The following TBX6 variants were observed in gnomAD, a reference collection of about 807,000 sequenced individuals.
TBX6 encodes T-box transcription factor TBX6.
Under a neutral mutation model 42.3 loss-of-function variants are expected in TBX6, and 29 were observed. The observed-to-expected ratio is 0.69, with a 90% CI of 0.51 to 0.93. The LOEUF is 0.93. TBX6 is among the 40% of genes least tolerant of loss of function. The pLI, the probability that TBX6 is intolerant of heterozygous loss-of-function variation, is 0.00. For missense variants in TBX6, 569 were observed against 603.3 expected (o/e 0.94, Z 0.59); for synonymous variants, 249 against 245.1 (o/e 1.02, Z -0.15).
rs764397190 is a variant in TBX6 at position 30,088,561 on chromosome 16, C to T, written c.823G>A (p.Gly275Ser). Residue 275 changes from glycine (G) to serine (S), a missense_variant, in exon 6 of 9, where the codon GGC becomes AGC. Gly to Ser is a moderately conservative substitution (Grantham distance 56). Transcript: ENST00000395224. This position sits in a 1 kb window ranked among gnomAD's most constrained non-coding sequence, Gnocchi z 4.1. ...NPFAKGFRENGRNCKRERDAR... is the reference protein window; with the variant it reads ...NPFAKGFRENSRNCKRERDAR... ...AACTCCCACCTCTTACAGTTTCTGC[C>T]GTTCTCCCGGAAGCCTTTGGCAAAG... 2.5e-6 allele frequency: 4 copies of T among 1,614,176 alleles called. No individual in the cohort carries two copies. Among genetic ancestry groups the T allele is most frequent in the Non-Finnish European group, 2.5e-6 (3 of 1,180,046 alleles).
Position 30,086,312 on chromosome 16 carries a change from G to A in TBX6, c.1224C>T (p.Ala408=). 2 of 1,610,334 alleles carry A rather than the reference G, an allele frequency of 1.2e-6. No homozygotes were observed. Among genetic ancestry groups the A allele is most frequent in the Non-Finnish European group, 1.7e-6 (2 of 1,178,886 alleles). ...YPAAPPAVPF[A]PHFLQGGPFP... is the part of the protein sequence containing the mutation. ...AGGGGCCCCCTTGGAGAAAGTGCGGGGCAAAGGGTACCGCCGGTGGAGCCG... is the reference window on the plus strand; with the variant it reads ...AGGGGCCCCCTTGGAGAAAGTGCGGAGCAAAGGGTACCGCCGGTGGAGCCG... The change falls in exon 9 of 9, where the codon GCC becomes GCT. Residue 408 remains alanine (A), a synonymous_variant. Coordinates refer to ENST00000395224, the MANE Select transcript of TBX6 (RefSeq NM_004608.4). The surrounding 1 kb of genome is among the most constrained non-coding windows in gnomAD (Gnocchi z 4.6).
At position 30,086,533 on chromosome 16, in the gene TBX6, GC is replaced by G; in HGVS notation, c.1075del (p.Ala359ProfsTer139). On this transcript the variant is annotated frameshift_variant, in exon 8 of 9. Coordinates refer to ENST00000395224, the MANE Select transcript of TBX6 (RefSeq NM_004608.4). LOFTEE classifies it high-confidence loss of function. This position sits in a 1 kb window ranked among gnomAD's most constrained non-coding sequence, Gnocchi z 4.6. ...YLLHPAAFHGAPSHLPTRSPS... is the reference protein window; with the variant it reads ...YLLHPAAFHGXPSHLPTRSPS... The stretch of plus-strand genomic sequence containing the variant: ...TCACCTGGTGGGAAGGTGACTGGGG[GC>G]CCCATGGAAAGCCGCAGGGTGCAGG... 6.6e-7 allele frequency: 1 copy of G among 1,514,712 alleles called. No homozygotes were observed. The allele number at this position is 1,514,712 out of a possible 1,614,324, so 93.8% of individuals were successfully genotyped here. A position where few individuals can be genotyped will look rare whatever the true frequency, so the allele number is the denominator to read the frequency against.
chr16:30,090,265 C>A (rs1297538531), intron 3 of TBX6, among the ~76,000 whole-genome samples: 5 of 152,156 alleles, frequency 3.3e-5, no homozygotes, highest in Non-Finnish European at 7.4e-5. Flanking sequence ...GGCTTGAGTT[C>A]CTGCCCCAGC....
chr16:30,087,273 G>A (rs1461946551), intron 6 of TBX6, among the ~76,000 whole-genome samples: 1 of 151,864 alleles, frequency 6.6e-6, no homozygotes, highest in East Asian at 1.9e-4. Flanking sequence ...GCCCAGGCTG[G>A]AGTGCAGTGG....
At position 30,089,142 on chromosome 16, in the gene TBX6, AGAAGAAACAAGTAGC is replaced by A; in HGVS notation, c.407_421del (p.Arg136_Leu140del). On this transcript the variant is annotated inframe_deletion, in exon 4 of 9. Coordinates refer to ENST00000395224, the MANE Select transcript of TBX6 (RefSeq NM_004608.4). ...AGCCCCATCCACCGGAATCACATCC[AGAAGAAACAAGTAGC>A]GGGCCTCGGGGTCCAGGCCAGTGAC... 6.2e-7 allele frequency: 1 copy of A among 1,614,118 alleles called. No homozygotes were observed. Among genetic ancestry groups the A allele is most frequent in the Non-Finnish European group, 8.5e-7 (1 of 1,180,028 alleles).
At chr16:30,091,297 C>G (rs886884403) in intron 1 of TBX6, 56 bp from the exon 2 acceptor site, 1 of 991,928 alleles carries the variant, frequency 1.0e-6, no homozygotes, top group Non-Finnish European at 1.4e-6. Context: ...TCCAGGATCA[C>G]AGCCCCTCCC....
Position 30,085,799 on chromosome 16 carries a change from G to A in TBX6, c.*426C>T, listed in dbSNP as rs1040646698. The stretch of plus-strand genomic sequence containing the variant: ...CAAACACAGGAGCCCAATGTTTCCT[G>A]AGCATGGATGGCTTTTGAGTTTTAT... On this transcript the variant is annotated 3_prime_UTR_variant, in exon 9 of 9. Transcript: ENST00000395224. The A allele has an allele frequency of 9.7e-6, 2 of 206,846 alleles. No individual in the cohort carries two copies. The highest frequency in any genetic ancestry group is 2.4e-5 in the African/African-American group (1 of 41,828). The allele number at this position is 206,846 out of a possible 1,614,324, so 12.8% of individuals were successfully genotyped here.
At position 30,086,878 on chromosome 16, in the gene TBX6, T is replaced by C. The variant is rs752808564; in HGVS notation, c.840-27A>G. The C allele has an allele frequency of 6.2e-6, 10 of 1,602,784 alleles. No individual in the cohort carries two copies. The highest frequency in any genetic ancestry group is 3.4e-5 in the Admixed American group (2 of 58,766). ...TGGGGAACAGTGGTGGTGATGATGA[T>C]GATGATGGTGATGGCCATGGTGATG... On this transcript the variant is annotated intron_variant, in intron 6 of 8. Coordinates refer to ENST00000395224, the MANE Select transcript of TBX6 (RefSeq NM_004608.4). This position sits in a 1 kb window ranked among gnomAD's most constrained non-coding sequence, Gnocchi z 4.6.
chr16:30,086,383 C>T lies in TBX6; in HGVS notation c.1153G>A (p.Ala385Thr), dbSNP rs767479954. The T allele has an allele frequency of 1.3e-5, 21 of 1,572,056 alleles. No individual in the cohort carries two copies. Among genetic ancestry groups the T allele is most frequent in the Admixed American group, 4.3e-5 (2 of 46,226 alleles). The change falls in exon 9 of 9, where the codon GCA becomes ACA. Residue 385 changes from alanine to threonine, a missense_variant. Ala to Thr is a moderately conservative substitution (Grantham distance 58). Around this residue, in one of 3 missense-constraint regions of TBX6, gnomAD observed 245 missense variants for 227.4 expected, o/e 1.08. Transcript: ENST00000395224. The surrounding 1 kb of genome is among the most constrained non-coding windows in gnomAD (Gnocchi z 4.6). ...GACCCGTGCGGCAGCTCCAGAAATG[C>T]AGCCGAGTAGGGGGCTGAGCGCCCG... ...DSGRSAPYSA[A>T]FLELPHGSGG...
In TBX6 at chr16:30,086,173, G is replaced by C. The variant is rs1174067766; in HGVS notation, c.*52C>G. The C allele has an allele frequency of 6.9e-6, 11 of 1,586,542 alleles. No individual in the cohort carries two copies. Among genetic ancestry groups the C allele is most frequent in the East Asian group, 2.3e-5 (1 of 43,662 alleles). ...GTGGAGGTGAGGGGGCTCCAGGGCTGGGGGAAGGGAGCGGGAGGTTTGTGA... is the reference window on the plus strand; with the variant it reads ...GTGGAGGTGAGGGGGCTCCAGGGCTCGGGGAAGGGAGCGGGAGGTTTGTGA... On this transcript the variant is annotated 3_prime_UTR_variant, in exon 9 of 9. Coordinates refer to ENST00000395224, the MANE Select transcript of TBX6 (RefSeq NM_004608.4). This position sits in a 1 kb window ranked among gnomAD's most constrained non-coding sequence, Gnocchi z 4.6.
At chr16:30,091,039 C>G (rs756488931) in intron 2 of TBX6, 37 bp downstream of exon 2, 15 of 1,592,592 alleles carry the variant, frequency 9.4e-6, no homozygotes, top group Non-Finnish European at 1.3e-5. Flanking sequence ...CCACAGCCCC[C>G]CTATTCTCCT....
At chr16:30,091,358 AGGGGTCCGAGAG>A (rs2072722122) in intron 1 of TBX6, 117 bp from the exon 2 acceptor site, 1 of 612,934 alleles carries the variant, frequency 1.6e-6, no homozygotes. Context: ...GGGGCCTCGA[AGGGGTCCGAGAG>A]GGGGTCGGAT....
In TBX6 at chr16:30,088,481, GCA is replaced by G; in HGVS notation, c.839+62_839+63del. 6.2e-7 allele frequency: 1 copy of G among 1,604,922 alleles called. No homozygotes were observed. Among genetic ancestry groups the G allele is most frequent in the Non-Finnish European group, 8.5e-7 (1 of 1,171,760 alleles). On this transcript the variant is annotated intron_variant, in intron 6 of 8. Coordinates refer to ENST00000395224, the MANE Select transcript of TBX6 (RefSeq NM_004608.4). This position sits in a 1 kb window ranked among gnomAD's most constrained non-coding sequence, Gnocchi z 4.1. ...TTTCTGATGTCCAGCACGGTGCCTGGCACACAGTGAGTGATTAATAAACATTT... is the reference window on the plus strand; with the variant it reads ...TTTCTGATGTCCAGCACGGTGCCTGGCACAGTGAGTGATTAATAAACATTT...
At chr16:30,087,278 C>A (rs2072651576) in intron 6 of TBX6, among the ~76,000 whole-genome samples, 1 of 152,084 alleles carries the variant, frequency 6.6e-6, no homozygotes, top group Non-Finnish European at 1.5e-5. Context: ...GGCTGGAGTG[C>A]AGTGGCACAG....
chr16:30,091,371 G>T, intron 1 of TBX6, 130 bp from the exon 2 acceptor site: 1 of 585,176 alleles, frequency 1.7e-6, no homozygotes, highest in South Asian at 2.2e-5. Flanking sequence ...GGTCCGAGAG[G>T]GGGTCGGATA....
intron 6 of TBX6, chr16:30,087,898 CTTTTTTTTTTTT>C (rs55866227): frequency 5.8e-5 from 4 of 68,982 alleles, no homozygotes; most frequent in Non-Finnish European, 8.9e-5. Context: ...TCTTTTTTTT[CTTTTTTTTTTTT>C]TTTTTGAGAC....
chr16:30,087,613 CT>C (rs2072655469), intron 6 of TBX6, among the ~76,000 whole-genome samples: 1 of 152,206 alleles, frequency 6.6e-6, no homozygotes, highest in Non-Finnish European at 1.5e-5. Context: ...CTTACGGAAC[CT>C]TTACTGTCCG....
rs914736875 is a variant in TBX6 at position 30,086,006 on chromosome 16, G to T, written c.*219C>A. ...TTCACACGGAGGTGAGAGCCGGGAA[G>T]GGGAAGCCGGCCCCAGCTGGACTCC... On this transcript the variant is annotated 3_prime_UTR_variant, in exon 9 of 9. Transcript: ENST00000395224. This position sits in a 1 kb window ranked among gnomAD's most constrained non-coding sequence, Gnocchi z 4.6. The T allele has an allele frequency of 1.8e-6, 1 of 545,214 alleles. No individual in the cohort carries two copies. The highest frequency in any genetic ancestry group is 3.2e-6 in the Non-Finnish European group (1 of 312,240). 33.8% of individuals were successfully genotyped at this position (545,214 alleles called of 1,614,324 possible).
rs769952883 is a variant in TBX6 at position 30,088,872 on chromosome 16, C to A, written c.622-33G>T. 1 of 1,608,852 alleles carries A rather than the reference C, an allele frequency of 6.2e-7. No individual in the cohort carries two copies. The highest frequency in any genetic ancestry group is 1.3e-5 in the African/African-American group (1 of 74,974). ...GGAGGAAATGGGAGTGATTCCCTGC[C>A]CTGCGCCTCACCCTTGGCCTCCCTT... On this transcript the variant is annotated intron_variant, in intron 4 of 8. Transcript: ENST00000395224. This position sits in a 1 kb window ranked among gnomAD's most constrained non-coding sequence, Gnocchi z 4.1.
Sources: allele counts gnomAD v4.1 joint callset (sites outside exome capture counted in the v4.1 genomes callset), GRCh38; gene constraint gnomAD v4.1.1; regional missense constraint gnomAD v4.1.1; non-coding constraint Gnocchi (gnomAD v3.1); transcripts MANE v1.5; gene names NCBI Gene and HGNC (gene_info 2026-07-23, HGNC 2026-07-21).